The following MINDY3 variants were observed in gnomAD, a reference collection of about 807,000 sequenced individuals.
MINDY3 encodes the protein MINDY lysine 48 deubiquitinase 3, also known as ubiquitin carboxyl-terminal hydrolase MINDY-3.
Under a neutral mutation model 69.2 loss-of-function variants are expected in MINDY3, and 38 were observed. That is an observed-to-expected ratio of 0.55 (90% CI 0.42 to 0.72). The LOEUF is 0.72. Among genes scored for constraint, MINDY3 ranks in the 30% least tolerant of loss-of-function variants. The pLI, the probability that MINDY3 is intolerant of heterozygous loss-of-function variation, is 0.00. For synonymous variants in MINDY3, 192 were observed against 180.1 expected (o/e 1.07, Z -0.53); for missense variants, 522 against 519.0 (o/e 1.01, Z -0.06).
At position 15,785,430 on chromosome 10, in the gene MINDY3, T is replaced by C. The variant is rs554058125; in HGVS notation, c.1116+1131A>G. Among the ~76,000 whole-genome samples the C allele has an allele frequency of 5.9e-4, 90 of 152,320 alleles. 4 individuals carry two copies. The South Asian group carries it at 0.018, about 30-fold the overall frequency. Reference sequence around the variant, plus strand: ...TAAATTAAAAACAGGAATATTCTTTTTATTATAACTAAGAATCAACATTTC... The same window carrying C: ...TAAATTAAAAACAGGAATATTCTTTCTATTATAACTAAGAATCAACATTTC... On this transcript the variant is annotated intron_variant, in intron 13 of 14. Coordinates refer to ENST00000277632, the MANE Select transcript of MINDY3 (RefSeq NM_024948.4).
intron 1 of MINDY3, among the ~76,000 whole-genome samples, chr10:15,850,321 G>A (rs373689732): frequency 3.3e-5 from 5 of 152,356 alleles, no homozygotes; most frequent in South Asian, 2.1e-4. Context: ...AAAAGCAACA[G>A]GATGGCTGCA....
chr10:15,815,521 A>G (rs937554322), intron 10 of MINDY3, among the ~76,000 whole-genome samples: 2 of 152,238 alleles, frequency 1.3e-5, no homozygotes, highest in African/African-American at 4.8e-5. Context: ...ACATGCTCAA[A>G]AAGCTCAAGG....
intron 10 of MINDY3, among the ~76,000 whole-genome samples, chr10:15,804,233 G>A (rs552699495): frequency 1.3e-5 from 2 of 152,052 alleles, no homozygotes; most frequent in Admixed American, 6.6e-5. Context: ...TGGCGGGGGG[G>A]CGGGGGATGG....
intron 2 of MINDY3, among the ~76,000 whole-genome samples, chr10:15,845,143 C>T (rs1388202296): frequency 6.6e-6 from 1 of 152,142 alleles, no homozygotes; most frequent in East Asian, 1.9e-4. Context: ...TCCAAGGATA[C>T]ATTTGATATA....
At position 15,826,144 on chromosome 10, in the gene MINDY3, G is replaced by T. The variant is rs1176327906; in HGVS notation, c.731-4418C>A. Among the ~76,000 whole-genome samples, 4 of 152,186 alleles carry T rather than the reference G, an allele frequency of 2.6e-5. No individual in the cohort carries two copies. The East Asian group carries it at 5.8e-4, about 22-fold the overall frequency. On this transcript the variant is annotated intron_variant, in intron 8 of 14. Coordinates refer to ENST00000277632, the MANE Select transcript of MINDY3 (RefSeq NM_024948.4). ...GAAATGAAGATGGATGGCAGGTAGAGAGGAGAAAGACCACAAAAGGATCTG... is the reference window on the plus strand; with the variant it reads ...GAAATGAAGATGGATGGCAGGTAGATAGGAGAAAGACCACAAAAGGATCTG...
chr10:15,799,778 G>A (rs1304814802), intron 10 of MINDY3, among the ~76,000 whole-genome samples: 4 of 152,020 alleles, frequency 2.6e-5, no homozygotes, highest in East Asian at 3.9e-4. Context: ...TTTGATTTTC[G>A]AACTTTTAGA....
At chr10:15,859,349 T>C (rs548464323) in intron 1 of MINDY3, among the ~76,000 whole-genome samples, 20 of 152,298 alleles carry the variant, frequency 1.3e-4, no homozygotes, top group African/African-American at 4.8e-4. Flanking sequence ...ACATAAATTA[T>C]TGATCCTTCT....
chr10:15,817,614 T>C (rs1016182486), intron 9 of MINDY3: 4 of 152,172 alleles, frequency 2.6e-5, no homozygotes, highest in Non-Finnish European at 4.4e-5. Flanking sequence ...ACAAACAGAA[T>C]AGACTTATGA....
chr10:15,823,287 A>T (rs2132011270), intron 8 of MINDY3, among the ~76,000 whole-genome samples: 1 of 152,282 alleles, frequency 6.6e-6, no homozygotes, highest in East Asian at 1.9e-4. Flanking sequence ...TTCCTCAGGG[A>T]CCACAAGACC....
At chr10:15,807,230 C>A (rs1404705922) in intron 10 of MINDY3, among the ~76,000 whole-genome samples, 1 of 152,120 alleles carries the variant, frequency 6.6e-6, no homozygotes, top group Non-Finnish European at 1.5e-5. Context: ...TCCTTACGTT[C>A]CAACAGTACT....
At chr10:15,821,868 A>G in intron 8 of MINDY3, 142 bp from the exon 9 acceptor site, 1 of 601,838 alleles carries the variant, frequency 1.7e-6, no homozygotes, top group Non-Finnish European at 2.8e-6. Context: ...TTTAAAACTT[A>G]GCATGTAATC....
intron 11 of MINDY3, among the ~76,000 whole-genome samples, chr10:15,789,756 C>T (rs7923731): frequency 0.033 from 5,064 of 152,054 alleles, 264 homozygotes; most frequent in African/African-American, 0.11. Flanking sequence ...GAAGGAATGT[C>T]AGTGATCCAC....
At chr10:15,812,753 C>G (rs10904629) in intron 10 of MINDY3, among the ~76,000 whole-genome samples, 1 of 151,962 alleles carries the variant, frequency 6.6e-6, no homozygotes, top group Non-Finnish European at 1.5e-5. Context: ...GATGTGCATA[C>G]AGTGAACAAA....
In MINDY3 at chr10:15,789,248, A is replaced by G. The variant is rs1207120515; in HGVS notation, c.1027T>C (p.Tyr343His). 1 of 1,607,880 alleles carries G rather than the reference A, an allele frequency of 6.2e-7. No homozygotes were observed. Among genetic ancestry groups the G allele is most frequent in the South Asian group, 1.1e-5 (1 of 90,886 alleles). The change falls in exon 12 of 15, where the codon TAT becomes CAT. Residue 343 changes from tyrosine to histidine, a missense_variant and splice_region_variant. Tyr to His is a moderately conservative substitution (Grantham distance 83). Coordinates refer to ENST00000277632, the MANE Select transcript of MINDY3 (RefSeq NM_024948.4). ...KALDLVSDPE[Y>H]INLMKNKLDP... ...AATAACACTTCCTATTTAGCTTACTATTCAGGATCTGAAACAAGGTCCAAT... is the reference window on the plus strand; with the variant it reads ...AATAACACTTCCTATTTAGCTTACTGTTCAGGATCTGAAACAAGGTCCAAT...
chr10:15,788,388 A>C (rs1370923899), intron 12 of MINDY3, among the ~76,000 whole-genome samples: 1 of 152,172 alleles, frequency 6.6e-6, no homozygotes, highest in Non-Finnish European at 1.5e-5. Flanking sequence ...TGTGTATTGC[A>C]TACTTTCAAA....
At chr10:15,846,275 C>G (rs1467812926) in intron 2 of MINDY3, among the ~76,000 whole-genome samples, 1 of 152,138 alleles carries the variant, frequency 6.6e-6, no homozygotes, top group Admixed American at 6.5e-5. Context: ...CTGTGGTATA[C>G]CCTCCATTTA....
intron 10 of MINDY3, 66 bp downstream of exon 10, chr10:15,816,769 A>G: frequency 1.8e-6 from 2 of 1,122,212 alleles, no homozygotes; most frequent in South Asian, 2.6e-5. Flanking sequence ...TCCAAACCAA[A>G]TATGAACTTA....
At chr10:15,821,749 C>T in intron 8 of MINDY3, 23 bp from the exon 9 acceptor site, 2 of 1,590,388 alleles carry the variant, frequency 1.3e-6, no homozygotes. Context: ...ACAACAACAA[C>T]AAAAAACGAA....
At chr10:15,788,251 ACT>A (rs959003097) in intron 12 of MINDY3, among the ~76,000 whole-genome samples, 14 of 152,090 alleles carry the variant, frequency 9.2e-5, no homozygotes, top group Admixed American at 5.9e-4. Flanking sequence ...CTAGTTCAAC[ACT>A]CTGAATTTCT....
Sources: gnomAD v4.1 joint callset for allele counts (sites outside exome capture counted in the v4.1 genomes callset) on GRCh38, gnomAD v4.1.1 for gene constraint, MANE v1.5 for transcripts, NCBI Gene and HGNC (gene_info 2026-07-23, HGNC 2026-07-21) for gene names.